Variants in DNAJC3 observed in about 807,000 individuals in gnomAD.
The protein encoded by DNAJC3 is DnaJ heat shock protein family (Hsp40) member C3.
A neutral mutation model predicts 68.6 loss-of-function variants in DNAJC3; 38 were observed. That is an observed-to-expected ratio of 0.55 (90% CI 0.43 to 0.73). The LOEUF is 0.73. Ranked by LOEUF, DNAJC3 falls within the 30% of genes least tolerant of loss-of-function variation. The pLI is 0.00. For synonymous variants in DNAJC3, 203 were observed against 204.0 expected (o/e 1.00, Z 0.04); for missense variants, 526 against 591.9 (o/e 0.89, Z 1.16).
rs185753745 is a variant in DNAJC3 at position 95,702,044 on chromosome 13, A to G, written c.83-7183A>G. On this transcript the variant is annotated intron_variant, in intron 1 of 11. Transcript: ENST00000602402. Reference sequence around the variant, plus strand: ...AACCATTAATCCTTTAAAAAAATACATTTCAAGATAACACCAGTATACATG... The same window carrying G: ...AACCATTAATCCTTTAAAAAAATACGTTTCAAGATAACACCAGTATACATG... 1.7e-3 allele frequency among the ~76,000 whole-genome samples: 257 copies of G among 152,348 alleles called. 1 individual carries two copies. Among genetic ancestry groups the G allele is most frequent in the Non-Finnish European group, 2.1e-3 (145 of 68,032 alleles).
At chr13:95,679,378 C>T (rs933440619) in intron 1 of DNAJC3, among the ~76,000 whole-genome samples, 1 of 151,900 alleles carries the variant, frequency 6.6e-6, no homozygotes, top group African/African-American at 2.4e-5. Context: ...TGAAATTTTG[C>T]GTTTCTAGAA....
At chr13:95,764,705 TACATATATATATAC>T (rs1157098354) in intron 9 of DNAJC3, among the ~76,000 whole-genome samples, 22 of 133,412 alleles carry the variant, frequency 1.6e-4, no homozygotes, top group African/African-American at 5.9e-4. Flanking sequence ...CATATATATA[TACATATATATATAC>T]ACATATATAT....
chr13:95,691,639 T>C (rs558361235), intron 1 of DNAJC3, among the ~76,000 whole-genome samples: 2 of 152,196 alleles, frequency 1.3e-5, no homozygotes, highest in East Asian at 3.9e-4. Context: ...CGCTCCTCAC[T>C]TCCCAGACGG....
chr13:95,771,895 C>G (rs1883169304), intron 9 of DNAJC3, among the ~76,000 whole-genome samples: 1 of 150,908 alleles, frequency 6.6e-6, no homozygotes, highest in Admixed American at 6.6e-5. Flanking sequence ...TATGTTCTCT[C>G]TTGTATAAAG....
chr13:95,680,739 C>T (rs180966717), intron 1 of DNAJC3, among the ~76,000 whole-genome samples: 228 of 152,212 alleles, frequency 1.5e-3, no homozygotes, highest in Admixed American at 2.8e-3. Context: ...GTTTTATTTT[C>T]CCATATGAAG....
intron 9 of DNAJC3, among the ~76,000 whole-genome samples, chr13:95,774,413 T>TTCC (rs2139687024): frequency 6.6e-6 from 1 of 152,344 alleles, no homozygotes; most frequent in South Asian, 2.1e-4. Context: ...TGTGATTTCC[T>TTCC]TCCTTTTAAA....
At chr13:95,706,762 C>T (rs1239618739) in intron 1 of DNAJC3, among the ~76,000 whole-genome samples, 1 of 152,198 alleles carries the variant, frequency 6.6e-6, no homozygotes, top group African/African-American at 2.4e-5. Context: ...TAAATATTCC[C>T]ATTCCAAATT....
At chr13:95,721,196 A>G (rs1408360408) in intron 2 of DNAJC3, among the ~76,000 whole-genome samples, 1 of 152,110 alleles carries the variant, frequency 6.6e-6, no homozygotes, top group Non-Finnish European at 1.5e-5. Flanking sequence ...ACTTAGCATA[A>G]TGTTTTTAAG....
In DNAJC3 at chr13:95,725,276, C is replaced by T. The variant is rs534359206; in HGVS notation, c.393+24C>T. The T allele has an allele frequency of 3.5e-5, 54 of 1,522,778 alleles. No homozygotes were observed. In the African/African-American group the frequency reaches 5.2e-4, roughly 15 times the overall value. The allele number at this position is 1,522,778 out of a possible 1,614,324, so 94.3% of individuals were successfully genotyped here. ...TGGTAAGTTCAATATGTATTTGACT[C>T]TAGGAAGATGTTATTTTGAGAGAAC... On this transcript the variant is annotated intron_variant, in intron 4 of 11. Coordinates refer to ENST00000602402, the MANE Select transcript of DNAJC3 (RefSeq NM_006260.5).
At chr13:95,760,633 G>A in intron 6 of DNAJC3, 46 bp from the exon 7 acceptor site, 1 of 1,559,942 alleles carries the variant, frequency 6.4e-7, no homozygotes, top group South Asian at 1.2e-5. Flanking sequence ...ACTACTCATT[G>A]ATTGTTTTGA....
chr13:95,746,807 G>A (rs1882319586), intron 4 of DNAJC3, among the ~76,000 whole-genome samples: 1 of 152,240 alleles, frequency 6.6e-6, no homozygotes, highest in African/African-American at 2.4e-5. Flanking sequence ...ATTTGAATAG[G>A]TGTAATCTCT....
rs542176219 is a variant in DNAJC3, at chr13:95,696,921, AT to A, written c.83-12301del. Among the ~76,000 whole-genome samples, 38 of 151,654 alleles carry A rather than the reference AT, an allele frequency of 2.5e-4. 1 individual carries two copies. In the East Asian group the frequency reaches 7.2e-3, roughly 29 times the overall value. ...CCACCGCGCCTGGCTAATTTTTTGA[AT>A]TTTTAGTAGAGATGGGGTTTCACCG... On this transcript the variant is annotated intron_variant, in intron 1 of 11. Coordinates refer to ENST00000602402, the MANE Select transcript of DNAJC3 (RefSeq NM_006260.5).
At chr13:95,743,986 G>C (rs1489266467) in intron 4 of DNAJC3, among the ~76,000 whole-genome samples, 1 of 152,082 alleles carries the variant, frequency 6.6e-6, no homozygotes, top group Non-Finnish European at 1.5e-5. Flanking sequence ...GAATAAACTT[G>C]TCTGTGTTTA....
intron 4 of DNAJC3, chr13:95,742,502 T>C (rs1882175186): frequency 4.8e-6 from 2 of 419,154 alleles, no homozygotes; most frequent in Admixed American, 2.8e-5. Flanking sequence ...CCAGCTAGGA[T>C]TGGAGGAGTC....
chr13:95,758,404 G>A (rs1882728049), intron 5 of DNAJC3, among the ~76,000 whole-genome samples: 1 of 151,946 alleles, frequency 6.6e-6, no homozygotes, highest in African/African-American at 2.4e-5. Flanking sequence ...GGGAGGTCGA[G>A]GTGGGTGGAT....
chr13:95,732,548 A>G (rs1881746517), intron 4 of DNAJC3, among the ~76,000 whole-genome samples: 1 of 114,228 alleles, frequency 8.8e-6, no homozygotes. Context: ...GATTTTGATT[A>G]TTTGGGCCTT....
intron 1 of DNAJC3, among the ~76,000 whole-genome samples, chr13:95,688,657 C>T (rs1211981995): frequency 6.6e-6 from 1 of 151,920 alleles, no homozygotes; most frequent in Non-Finnish European, 1.5e-5. Context: ...GGGTTACAGG[C>T]ATGCATCACC....
intron 2 of DNAJC3, among the ~76,000 whole-genome samples, chr13:95,712,371 T>C (rs994607449): frequency 8.2e-6 from 1 of 121,476 alleles, no homozygotes; most frequent in Admixed American, 8.1e-5. Flanking sequence ...CCAATGCTTT[T>C]TTCTTTTTTT....
chr13:95,731,901 A>ATTT (rs777968421), intron 4 of DNAJC3, among the ~76,000 whole-genome samples: 11 of 123,934 alleles, frequency 8.9e-5, no homozygotes, highest in South Asian at 2.6e-4. Context: ...CGCCTGGCTA[A>ATTT]TTTTTTTTTT....
Sources: allele counts gnomAD v4.1 joint callset (sites outside exome capture counted in the v4.1 genomes callset), GRCh38; gene constraint gnomAD v4.1.1; transcripts MANE v1.5; gene names NCBI Gene and HGNC (gene_info 2026-07-23, HGNC 2026-07-21).